The following ACTN2 variants were observed in gnomAD, a reference collection of about 807,000 sequenced individuals.
ACTN2 encodes alpha-actinin-2.
Under a neutral mutation model 113.8 loss-of-function variants are expected in ACTN2, and 39 were observed. The ratio of observed to expected loss-of-function variants is 0.34; its 90% CI spans 0.27 to 0.45. The LOEUF (loss-of-function observed/expected upper bound fraction) is 0.45, where lower values mean the gene tolerates loss of function less well. Ranked by LOEUF, ACTN2 falls within the 20% of genes least tolerant of loss-of-function variation. The pLI is 1.00. For synonymous variants in ACTN2, 429 were observed against 444.1 expected, an observed-to-expected ratio of 0.97 and a Z score of 0.43; for missense variants, 992 against 1,177.9, an observed-to-expected ratio of 0.84 and a Z score of 2.31.
chr1:236,741,865 G>C (rs12043510), intron 10 of ACTN2, among the ~76,000 whole-genome samples: 5,037 of 152,196 alleles, frequency 0.033, 139 homozygotes, highest in South Asian at 0.13. Context: ...AAAGTATTGA[G>C]AGTAAAATCC....
chr1:236,752,558 GTTTA>G, intron 15 of ACTN2, among the ~76,000 whole-genome samples: 1 of 151,988 alleles, frequency 6.6e-6, no homozygotes, highest in Non-Finnish European at 1.5e-5. Context: ...TTTTTATTAT[GTTTA>G]TTTTTTTGAG....
intron 7 of ACTN2, chr1:236,734,328 G>A (rs1018101936): frequency 4.5e-5 from 33 of 729,858 alleles, no homozygotes; most frequent in Non-Finnish European, 6.9e-5. Context: ...AGTGTATGGG[G>A]GCGAAGGGGG....
intron 1 of ACTN2, among the ~76,000 whole-genome samples, chr1:236,711,826 G>A (rs1199424443): frequency 1.3e-5 from 2 of 152,302 alleles, no homozygotes; most frequent in Admixed American, 1.3e-4. Flanking sequence ...TCAGGAGAGA[G>A]GTAGAGGAGG....
intron 1 of ACTN2, among the ~76,000 whole-genome samples, chr1:236,696,108 A>G (rs1657493101): frequency 6.6e-6 from 1 of 151,972 alleles, no homozygotes. Context: ...GGAGTTCGAG[A>G]CCAGCCTGGC....
At chr1:236,757,791 C>T (rs1659593648) in intron 18 of ACTN2, among the ~76,000 whole-genome samples, 159 bp downstream of exon 18, 1 of 152,150 alleles carries the variant, frequency 6.6e-6, no homozygotes, top group African/African-American at 2.4e-5. Flanking sequence ...AACTAAGTGT[C>T]CTAAGCTTTG....
intron 18 of ACTN2, among the ~76,000 whole-genome samples, chr1:236,759,126 A>G (rs562159443): frequency 6.6e-6 from 1 of 152,334 alleles, no homozygotes; most frequent in East Asian, 1.9e-4. Context: ...AGAGATGGAT[A>G]TTGACGTTCT....
At position 236,763,584 on chromosome 1, in the gene ACTN2, G is replaced by A. The variant is rs751383598; in HGVS notation, c.*965G>A. The A allele has an allele frequency of 5.3e-5, 8 of 152,334 alleles. No individual in the cohort carries two copies. The highest frequency in any genetic ancestry group is 1.4e-4 in the African/African-American group (6 of 41,564). 9.4% of individuals were successfully genotyped at this position (152,334 alleles called of 1,614,324 possible). On this transcript the variant is annotated 3_prime_UTR_variant, in exon 21 of 21. Coordinates refer to ENST00000366578, the MANE Select transcript of ACTN2 (RefSeq NM_001103.4). Reference sequence around the variant, plus strand: ...TCCTTATGCCTCTAGTTTTATGACCGGTTAAGGAGAAGCCAGAGTTAGAGT... The same window carrying A: ...TCCTTATGCCTCTAGTTTTATGACCAGTTAAGGAGAAGCCAGAGTTAGAGT...
chr1:236,696,532 C>T (rs1279451452), intron 1 of ACTN2, among the ~76,000 whole-genome samples: 2 of 151,980 alleles, frequency 1.3e-5, no homozygotes, highest in Non-Finnish European at 2.9e-5. Flanking sequence ...AATCTCATTG[C>T]TGTTTATGAG....
intron 4 of ACTN2, among the ~76,000 whole-genome samples, chr1:236,721,091 G>T (rs995400633): frequency 7.4e-6 from 1 of 134,784 alleles, no homozygotes; most frequent in South Asian, 2.5e-4. Flanking sequence ...TCAGTGGCGC[G>T]ATCTTGGCTC....
At chr1:236,746,652 C>T (rs1333537097) in intron 12 of ACTN2, among the ~76,000 whole-genome samples, 2 of 150,962 alleles carry the variant, frequency 1.3e-5, no homozygotes, top group East Asian at 1.9e-4. Flanking sequence ...GCTGTAATAA[C>T]GTATGATCAC....
At chr1:236,761,502 G>T (rs930939965) in intron 20 of ACTN2, among the ~76,000 whole-genome samples, 2 of 151,972 alleles carry the variant, frequency 1.3e-5, no homozygotes, top group African/African-American at 4.8e-5. Flanking sequence ...ATTCTAGGTT[G>T]GTGGATGTGA....
chr1:236,694,515 G>A (rs777955624), intron 1 of ACTN2, among the ~76,000 whole-genome samples: 21 of 151,922 alleles, frequency 1.4e-4, no homozygotes, highest in African/African-American at 4.4e-4. Context: ...GAGCCACCAC[G>A]CCTGGCCCGC....
rs551141480 is a variant in ACTN2, at chr1:236,686,695, G to A, written c.22G>A (p.Val8Met). Residue 8 changes from valine to methionine, a missense_variant, in exon 1 of 21, where the codon GTG (valine) becomes ATG (methionine). Physicochemically the swap from Val to Met is conservative, Grantham distance 21 (BLOSUM62 1). Transcript: ENST00000366578. ...CGCCATGAACCAGATAGAGCCCGGCGTGCAGTACAACTACGTGTACGACGA... is the reference window on the plus strand; with the variant it reads ...CGCCATGAACCAGATAGAGCCCGGCATGCAGTACAACTACGTGTACGACGA... The part of the protein sequence containing the change: MNQIEPG[V>M]QYNYVYDEDE... 4.9e-5 allele frequency: 77 copies of A among 1,566,538 alleles called. No homozygotes were observed. The South Asian group carries it at 8.6e-4, about 18-fold the overall frequency.
chr1:236,720,339 A>G (rs985598231), intron 4 of ACTN2, 148 bp downstream of exon 4: 5 of 695,672 alleles, frequency 7.2e-6, no homozygotes, highest in South Asian at 1.6e-5. Context: ...TTGTATGTGT[A>G]TAGGAAAAGA....
At chr1:236,742,667 G>A (rs185747502) in intron 10 of ACTN2, among the ~76,000 whole-genome samples, 3 of 152,278 alleles carry the variant, frequency 2.0e-5, no homozygotes, top group Non-Finnish European at 2.9e-5. Context: ...TGTCAGGATC[G>A]CTGATAACAA....
intron 1 of ACTN2, among the ~76,000 whole-genome samples, chr1:236,691,247 G>A (rs981204118): frequency 6.6e-6 from 1 of 151,698 alleles, no homozygotes; most frequent in Non-Finnish European, 1.5e-5. Context: ...CCAGCCTGGC[G>A]TACTTTTAAA....
Position 236,762,944 on chromosome 1 carries a change from G to A in ACTN2, c.*325G>A. On this transcript the variant is annotated 3_prime_UTR_variant, in exon 21 of 21. Transcript: ENST00000366578. ...GAGGATCTAGGGACAGAAGGAAAGT[G>A]AAAAATGTGAAAATACAAAATACCC... 6.0e-6 allele frequency: 2 copies of A among 334,804 alleles called. No homozygotes were observed. Among genetic ancestry groups the A allele is most frequent in the Non-Finnish European group, 5.7e-6 (1 of 174,082 alleles). The allele number at this position is 334,804 out of a possible 1,614,324, so 20.7% of individuals were successfully genotyped here.
At chr1:236,696,667 T>A (rs936982383) in intron 1 of ACTN2, among the ~76,000 whole-genome samples, 27 of 32,146 alleles carry the variant, frequency 8.4e-4, no homozygotes, top group Non-Finnish European at 4.1e-4. Context: ...TGTCCCACTA[T>A]TTTTTTTTTT....
rs1658899510 is a variant in ACTN2 at position 236,737,051 on chromosome 1, C to T, written c.784-71C>T. 4 of 1,314,358 alleles carry T rather than the reference C, an allele frequency of 3.0e-6. No homozygotes were observed. In the Admixed American group the frequency reaches 5.5e-5, roughly 18 times the overall value. 81.4% of individuals were successfully genotyped at this position (1,314,358 alleles called of 1,614,324 possible). ...ACCCTCCTCGTCCCCTCTCATCACC[C>T]ACCTCGTTCCATGCTGTGTGTGCGC... is the stretch of plus-strand genomic sequence containing the variant. On this transcript the variant is annotated intron_variant, in intron 8 of 20. Coordinates refer to ENST00000366578, the MANE Select transcript of ACTN2 (RefSeq NM_001103.4).
Sources: allele counts gnomAD v4.1 joint callset (sites outside exome capture counted in the v4.1 genomes callset), GRCh38; gene constraint gnomAD v4.1.1; transcripts MANE v1.5; gene names NCBI Gene and HGNC (gene_info 2026-07-23, HGNC 2026-07-21).